Variants in GPR173 observed in about 807,000 individuals in gnomAD.
GPR173 encodes the protein probable G protein-coupled receptor 173.
GPR173 carries 2 observed loss-of-function variants against 13.9 expected under a neutral mutation model. The observed-to-expected ratio is 0.14, with a 90% confidence interval of 0.06 to 0.45. The LOEUF (loss-of-function observed/expected upper bound fraction) is 0.45. GPR173 is among the 20% of genes least tolerant of loss of function. The pLI is 0.98. For synonymous variants in GPR173, 131 were observed against 141.0 expected (o/e 0.93, Z 0.50); for missense variants, 202 against 340.5 (o/e 0.59, Z 3.20).
Position 53,077,021 on chromosome X carries a change from C to A in GPR173, c.400C>A (p.Arg134Ser). 1.7e-6 allele frequency: 2 copies of A among 1,210,116 alleles called. No individual in the cohort carries two copies. The highest frequency in any genetic ancestry group is 1.1e-6 in the Non-Finnish European group (1 of 894,772). ...AIAHHRFYAK[R>S]MTLWTCAAVI... ...CGCCCACCACCGCTTCTACGCCAAG[C>A]GCATGACACTCTGGACATGCGCGGC... The change falls in exon 2 of 2, where the codon CGC (arginine) becomes AGC (serine). Residue 134 changes from arginine (R) to serine (S), a missense_variant. This residue lies in a region of GPR173 where 98 missense variants were observed against 137.2 expected (regional missense o/e 0.71). Coordinates refer to ENST00000332582, the MANE Select transcript of GPR173 (RefSeq NM_018969.6).
At chrX:53,056,615 G>T (rs1932043695) in intron 1 of GPR173, among the ~76,000 whole-genome samples, 1 of 110,356 alleles carries the variant, frequency 9.1e-6, no homozygotes, top group South Asian at 4.0e-4. Context: ...GTGAGTATTT[G>T]GGTGAGGAAT....
rs782798240 is a variant in GPR173, at chrX:53,072,729, AAGAG to A, written c.-97-3786_-97-3783del. ...TCAAGGTAAAGGAGAGAGAAAGAGA[AAGAG>A]AGAGAGAGAAAGAGAGTAAGTGTGT... is the stretch of plus-strand genomic sequence containing the variant. On this transcript the variant is annotated intron_variant, in intron 1 of 1. Coordinates refer to ENST00000332582, the MANE Select transcript of GPR173 (RefSeq NM_018969.6). 3.6e-5 allele frequency among the ~76,000 whole-genome samples: 4 copies of A among 110,764 alleles called. No homozygotes were observed. In the East Asian group the frequency reaches 8.5e-4, roughly 24 times the overall value.
intron 1 of GPR173, among the ~76,000 whole-genome samples, chrX:53,073,033 G>C (rs782355347): frequency 1.8e-5 from 2 of 110,899 alleles, no homozygotes; most frequent in South Asian, 3.8e-4. Flanking sequence ...GACCAGCCTG[G>C]CTAGCATCAC....
intron 1 of GPR173, among the ~76,000 whole-genome samples, chrX:53,049,699 A>C (rs781864379): frequency 2.7e-5 from 3 of 112,072 alleles, no homozygotes; most frequent in East Asian, 2.8e-4. Context: ...CCCATGAGAA[A>C]GGGAACCACC....
intron 1 of GPR173, among the ~76,000 whole-genome samples, chrX:53,051,510 C>A (rs782616958): frequency 4.5e-5 from 5 of 109,920 alleles, no homozygotes; most frequent in Non-Finnish European, 7.6e-5. Context: ...TGTGTATGAA[C>A]CTGTGTGTGT....
chrX:53,074,084 T>A (rs1379846794), intron 1 of GPR173, among the ~76,000 whole-genome samples: 1 of 21,758 alleles, frequency 4.6e-5, no homozygotes, highest in Non-Finnish European at 6.7e-5. Flanking sequence ...ACATGTATAT[T>A]TATTTATATA....
chrX:53,073,775 AAT>A, intron 1 of GPR173, among the ~76,000 whole-genome samples: 1 of 80,867 alleles, frequency 1.2e-5, no homozygotes, highest in South Asian at 5.6e-4. Flanking sequence ...ATATATATAA[AAT>A]TATATATATA....
intron 1 of GPR173, among the ~76,000 whole-genome samples, chrX:53,068,667 A>G (rs1253503675): frequency 9.2e-6 from 1 of 108,905 alleles, no homozygotes; most frequent in Middle Eastern, 4.3e-3. Flanking sequence ...CTGTAGTCCC[A>G]GCTACTCTGA....
intron 1 of GPR173, among the ~76,000 whole-genome samples, chrX:53,061,957 GAGAA>G (rs2146676610): frequency 1.1e-5 from 1 of 92,888 alleles, no homozygotes; most frequent in South Asian, 5.0e-4. Context: ...GCATGAGAGA[GAGAA>G]AGAGAGAGAA....
rs1193184571 is a variant in GPR173 at position 53,079,579 on chromosome X, CTCTT to C, written c.*1840_*1843del. 2 of 106,176 alleles carry C rather than the reference CTCTT, an allele frequency of 1.9e-5. No homozygotes were observed. The highest frequency in any genetic ancestry group is 4.4e-4 in the South Asian group (1 of 2,286). 8.8% of individuals were successfully genotyped at this position (106,176 alleles called of 1,213,427 possible). On this transcript the variant is annotated 3_prime_UTR_variant, in exon 2 of 2. Transcript: ENST00000332582. ...TGAACAATGCTATACTGGATGTTTTCTCTTTCTGACTGTGTGTGTGTGTGTGCGT... is the reference window on the plus strand; with the variant it reads ...TGAACAATGCTATACTGGATGTTTTCTCTGACTGTGTGTGTGTGTGTGCGT...
In GPR173 at chrX:53,079,385, G is replaced by A. The variant is rs1932494961; in HGVS notation, c.*1642G>A. On this transcript the variant is annotated 3_prime_UTR_variant, in exon 2 of 2. Coordinates refer to ENST00000332582, the MANE Select transcript of GPR173 (RefSeq NM_018969.6). Reference sequence around the variant, plus strand: ...AGAGTGGCTGAGAGGCTGGGAGTAGGGGAGCCTGTTCTCTCAGCGATAGTG... The same window carrying A: ...AGAGTGGCTGAGAGGCTGGGAGTAGAGGAGCCTGTTCTCTCAGCGATAGTG... 8.7e-6 allele frequency: 1 copy of A among 114,779 alleles called. No homozygotes were observed. The highest frequency in any genetic ancestry group is 3.6e-5 in the African/African-American group (1 of 28,015). The allele number at this position is 114,779 out of a possible 1,213,427, so 9.5% of individuals were successfully genotyped here. A position where few individuals can be genotyped will look rare whatever the true frequency, so the allele number is the denominator to read the frequency against.
chrX:53,073,028 GCCTGGC>G (rs1386447544), intron 1 of GPR173, among the ~76,000 whole-genome samples: 1 of 110,920 alleles, frequency 9.0e-6, no homozygotes, highest in African/African-American at 3.3e-5. Context: ...TTGGAGACCA[GCCTGGC>G]TAGCATCACA....
Position 53,077,699 on chromosome X carries a change from A to C in GPR173, c.1078A>C (p.Thr360Pro), listed in dbSNP as rs1932458896. 8.3e-7 allele frequency: 1 copy of C among 1,207,945 alleles called. No individual in the cohort carries two copies. Residue 360 changes from threonine to proline, a missense_variant, in exon 2 of 2, where the codon ACA (threonine) becomes CCA (proline). Around this residue, in one of 3 missense-constraint regions of GPR173, gnomAD observed 76 missense variants for 116.3 expected, o/e 0.65. Coordinates refer to ENST00000332582, the MANE Select transcript of GPR173 (RefSeq NM_018969.6). ...CLRTHAPCWG[T>P]GGAPAPREPY... The stretch of plus-strand genomic sequence containing the variant: ...GAGGACTCACGCCCCCTGCTGGGGC[A>C]CAGGAGGTGCCCCGGCTCCCAGAGA...
intron 1 of GPR173, among the ~76,000 whole-genome samples, chrX:53,067,520 G>T (rs1467079267): frequency 1.8e-5 from 2 of 112,373 alleles, no homozygotes; most frequent in African/African-American, 6.5e-5. Flanking sequence ...ATTTTTCTCT[G>T]CATTCTTAAG....
At chrX:53,074,680 A>G (rs1310550015) in intron 1 of GPR173, among the ~76,000 whole-genome samples, 2 of 84,840 alleles carry the variant, frequency 2.4e-5, no homozygotes, top group African/African-American at 9.7e-5. Flanking sequence ...ATTTATTTAT[A>G]AATATTATAA....
rs1270369457 is a variant in GPR173 at position 53,051,247 on chromosome X, G to A, written c.-98+1763G>A. Among the ~76,000 whole-genome samples, 3 of 110,358 alleles carry A rather than the reference G, an allele frequency of 2.7e-5. No homozygotes were observed. In the East Asian group the frequency reaches 8.5e-4, roughly 31 times the overall value. On this transcript the variant is annotated intron_variant, in intron 1 of 1. Transcript: ENST00000332582. The stretch of plus-strand genomic sequence containing the variant: ...GGGCATGGAGATGTGATGGGACACA[G>A]AGTGTGGGGTCGGTGGCCAAGGGAA...
rs781783277 is a variant in GPR173 at position 53,076,915 on chromosome X, T to C, written c.294T>C (p.Ile98=). The change falls in exon 2 of 2, where the codon ATT becomes ATC. Residue 98 remains isoleucine, a synonymous_variant. Coordinates refer to ENST00000332582, the MANE Select transcript of GPR173 (RefSeq NM_018969.6). ...SWTFSALSCK[I]VAFMAVLFCF... ...CCTTCAGTGCACTCAGCTGCAAGAT[T>C]GTGGCCTTTATGGCCGTGCTCTTTT... 4.1e-6 allele frequency: 5 copies of C among 1,209,009 alleles called. No homozygotes were observed. The Admixed American group carries it at 8.7e-5, about 21-fold the overall frequency.
chrX:53,057,575 TAA>T (rs782524658), intron 1 of GPR173, among the ~76,000 whole-genome samples: 2 of 89,581 alleles, frequency 2.2e-5, no homozygotes. Flanking sequence ...CCATCTCTAC[TAA>T]AAAAAAAAAA....
chrX:53,069,272 T>TAA (rs782701038), intron 1 of GPR173, among the ~76,000 whole-genome samples: 21,720 of 91,465 alleles, frequency 0.24, 2,693 homozygotes, highest in African/African-American at 0.43. Flanking sequence ...CCTTTTCTCT[T>TAA]AAAAAAAAAA....
Sources: gnomAD v4.1 joint callset for allele counts (sites outside exome capture counted in the v4.1 genomes callset) on GRCh38, gnomAD v4.1.1 for gene constraint, gnomAD v4.1.1 regional missense constraint, MANE v1.5 for transcripts, NCBI Gene and HGNC (gene_info 2026-07-23, HGNC 2026-07-21) for gene names.